The following MUC5AC variants were observed in gnomAD, a reference collection of about 807,000 sequenced individuals.
MUC5AC encodes mucin-5AC.
In MUC5AC, 158 loss-of-function variants were observed where a neutral mutation model predicts 169.7. The ratio of observed to expected loss-of-function variants is 0.93; its 90% CI spans 0.82 to 1.06. The LOEUF (loss-of-function observed/expected upper bound fraction) is 1.06, where lower values mean the gene tolerates loss of function less well. MUC5AC is among the 50% of genes least tolerant of loss of function. The pLI is 0.00. For missense variants in MUC5AC, 4,359 were observed against 3,089.9 expected (o/e 1.41, Z -9.74); for synonymous variants, 1,975 against 1,237.0 (o/e 1.60, Z -12.52).
Position 1,185,878 on chromosome 11 carries a change from C to G in MUC5AC, c.7733C>G (p.Thr2578Arg). ...ACTACTCCCAGCCCTGTTCCTACCA[C>G]GAGCACAACCTCTGCTCCTACAACC... The part of the protein sequence containing the change: ...PGTTPSPVPT[T>R]STTSAPTTST... Residue 2578 changes from threonine to arginine, a missense_variant, in exon 31 of 49, where the codon ACG becomes AGG. Coordinates refer to ENST00000621226, the MANE Select transcript of MUC5AC (RefSeq NM_001304359.2). 2.7e-6 allele frequency: 2 copies of G among 746,822 alleles called. No homozygotes were observed. Among genetic ancestry groups the G allele is most frequent in the South Asian group, 2.8e-5 (2 of 71,800 alleles). 46.3% of individuals were successfully genotyped at this position (746,822 alleles called of 1,614,324 possible). A position where few individuals can be genotyped will look rare whatever the true frequency, so the allele number is the denominator to read the frequency against.
At chr11:1,172,547 C>A in intron 16 of MUC5AC, 24 bp downstream of exon 16, 1 of 398,610 alleles carries the variant, frequency 2.5e-6, no homozygotes, top group Non-Finnish European at 4.4e-6. Flanking sequence ...CCTCTTGGCC[C>A]GGTGGGGCTC....
chr11:1,198,966 G>A lies in MUC5AC; in HGVS notation c.16266G>A (p.Glu5422=), dbSNP rs537256883. The A allele has an allele frequency of 1.5e-4, 118 of 764,304 alleles. No individual in the cohort carries two copies. Among genetic ancestry groups the A allele is most frequent in the East Asian group, 4.1e-4 (17 of 41,194 alleles). 47.3% of individuals were successfully genotyped at this position (764,304 alleles called of 1,614,324 possible). A position where few individuals can be genotyped will look rare whatever the true frequency, so the allele number is the denominator to read the frequency against. The change falls in exon 44 of 49, where the codon GAG becomes GAA. Residue 5422 remains glutamate, a synonymous_variant. Transcript: ENST00000621226. ...CGGACGCGTTTGTGGTCAGCTGTGA[G>A]ACCCAGATCTGCAACACACACTGCC... The part of the protein sequence containing the change: ...PPSDAFVVSC[E]TQICNTHCPV...
chr11:1,184,473 A>C lies in MUC5AC; in HGVS notation c.6328A>C (p.Thr2110Pro), dbSNP rs2133755069. ...CAGCGTCACACAGGGCACCCACACC[A>C]CACCAGTCACCAGAAACTGTCATCC... ...ATSVTQGTHTTPVTRNCHPRC... is the reference protein window; with the variant it reads ...ATSVTQGTHTPPVTRNCHPRC... Residue 2110 changes from threonine to proline, a missense_variant, in exon 31 of 49, where the codon ACA becomes CCA. Coordinates refer to ENST00000621226, the MANE Select transcript of MUC5AC (RefSeq NM_001304359.2). 1 of 640,042 alleles carries C rather than the reference A, an allele frequency of 1.6e-6. No homozygotes were observed. Among genetic ancestry groups the C allele is most frequent in the East Asian group, 2.5e-5 (1 of 39,274 alleles). 39.6% of individuals were successfully genotyped at this position (640,042 alleles called of 1,614,324 possible).
chr11:1,192,689 A>T (rs1861153484), intron 31 of MUC5AC, 94 bp from the exon 32 acceptor site: 1 of 689,604 alleles, frequency 1.5e-6, no homozygotes, highest in Non-Finnish European at 2.6e-6. Context: ...CCCATTACAC[A>T]GGTGGTAGAA....
chr11:1,200,318 G>A (rs995746672), intron 48 of MUC5AC, 120 bp from the exon 49 acceptor site: 3 of 602,456 alleles, frequency 5.0e-6, no homozygotes, highest in Non-Finnish European at 8.9e-6. Flanking sequence ...GTCAGACACT[G>A]GCAGCATGCC....
rs1427532874 is a variant in MUC5AC, at chr11:1,188,882, C to T, written c.10737C>T (p.Ile3579=). Residue 3579 remains isoleucine, a synonymous_variant, in exon 31 of 49, where the codon ATC becomes ATT. Transcript: ENST00000621226. Reference sequence around the variant, plus strand: ...CCAAGAGCCACCCGGAGGTGAGCATCGAACACCTGGGCCAGGTGGTGCAGT... The same window carrying T: ...CCAAGAGCCACCCGGAGGTGAGCATTGAACACCTGGGCCAGGTGGTGCAGT... ...CRAKSHPEVS[I]EHLGQVVQCS... 29 of 763,418 alleles carry T rather than the reference C, an allele frequency of 3.8e-5. No homozygotes were observed. The highest frequency in any genetic ancestry group is 2.2e-4 in the Middle Eastern group (1 of 4,452). 47.3% of individuals were successfully genotyped at this position (763,418 alleles called of 1,614,324 possible). A position where few individuals can be genotyped will look rare whatever the true frequency, so the allele number is the denominator to read the frequency against.
At position 1,164,631 on chromosome 11, in the gene MUC5AC, G is replaced by C. The variant is rs988504090; in HGVS notation, c.1129+99G>C. ...TCGGAAGAAGGACCCCAGTCCTAGTGTCCCGGGCCCCTGAGGCTGACTGAG... is the reference window on the plus strand; with the variant it reads ...TCGGAAGAAGGACCCCAGTCCTAGTCTCCCGGGCCCCTGAGGCTGACTGAG... On this transcript the variant is annotated intron_variant, in intron 9 of 48. Coordinates refer to ENST00000621226, the MANE Select transcript of MUC5AC (RefSeq NM_001304359.2). 53 of 1,446,488 alleles carry C rather than the reference G, an allele frequency of 3.7e-5. No individual in the cohort carries two copies. The Admixed American group carries it at 5.7e-4, about 16-fold the overall frequency. The allele number at this position is 1,446,488 out of a possible 1,614,324, so 89.6% of individuals were successfully genotyped here.
In MUC5AC at chr11:1,179,124, G is replaced by A; in HGVS notation, c.3360G>A (p.Val1120=). Residue 1120 remains valine, a synonymous_variant, in exon 26 of 49, where the codon GTG becomes GTA. Coordinates refer to ENST00000621226, the MANE Select transcript of MUC5AC (RefSeq NM_001304359.2). ...VEPARYYEAC[V]NDACACDSGG... is the part of the protein sequence containing the mutation. ...CGGCCAGGTACTACGAGGCCTGCGT[G>A]AACGACGCGTGCGCCTGCGACTCCG... 1 of 634,136 alleles carries A rather than the reference G, an allele frequency of 1.6e-6. No homozygotes were observed. The highest frequency in any genetic ancestry group is 2.9e-6 in the Non-Finnish European group (1 of 349,302). The allele number at this position is 634,136 out of a possible 1,614,324, so 39.3% of individuals were successfully genotyped here.
chr11:1,158,592 C>T (rs1428383925), intron 1 of MUC5AC, among the ~76,000 whole-genome samples: 1 of 152,192 alleles, frequency 6.6e-6, no homozygotes, highest in African/African-American at 2.4e-5. Context: ...GTTTCACCCC[C>T]GCCCTGAGGC....
rs558310309 is a variant in MUC5AC, at chr11:1,162,595, G to A, written c.537G>A (p.Val179=). ...LIQQSSSYTK[V]EARLGLVLMW... is the part of the protein sequence containing the mutation. ...AGCAGAGCAGCAGCTACACCAAGGT[G>A]GAGGCCAGGCTGGGCCTTGTCCTCA... The change falls in exon 5 of 49, where the codon GTG becomes GTA. Residue 179 remains valine, a synonymous_variant. Transcript: ENST00000621226. The A allele has an allele frequency of 5.0e-6, 8 of 1,612,758 alleles. No homozygotes were observed. The Admixed American group carries it at 5.0e-5, about 10-fold the overall frequency.
chr11:1,182,264 C>T lies in MUC5AC; in HGVS notation c.4119C>T (p.Pro1373=), dbSNP rs1339412987. ...GCACTTCTCCCAGGACGAGGCTGCC[C>T]ACAGCCTCTGCCTCACTGCCGCCGG... ...TAGTSPRTRL[P]TASASLPPVC... is the part of the protein sequence containing the mutation. Residue 1373 remains proline, a synonymous_variant, in exon 31 of 49, where the codon CCC becomes CCT. Transcript: ENST00000621226. 9 of 398,472 alleles carry T rather than the reference C, an allele frequency of 2.3e-5. No homozygotes were observed. The highest frequency in any genetic ancestry group is 1.3e-4 in the South Asian group (1 of 7,866). 24.7% of individuals were successfully genotyped at this position (398,472 alleles called of 1,614,324 possible).
intron 2 of MUC5AC, 123 bp downstream of exon 2, chr11:1,160,812 C>A: frequency 1.0e-6 from 1 of 960,066 alleles, no homozygotes; most frequent in Non-Finnish European, 1.5e-6. Flanking sequence ...GAGGACCAAA[C>A]CTGGGGGGAC....
intron 1 of MUC5AC, among the ~76,000 whole-genome samples, chr11:1,158,590 C>G (rs28713701): frequency 0.5 from 75,531 of 151,980 alleles, 20,811 homozygotes; most frequent in East Asian, 0.69. Flanking sequence ...CTGTTTCACC[C>G]CCGCCCTGAG....
chr11:1,193,136 G>C (rs1466708630), intron 32 of MUC5AC, among the ~76,000 whole-genome samples, 154 bp downstream of exon 32: 1 of 152,232 alleles, frequency 6.6e-6, no homozygotes, highest in Non-Finnish European at 1.5e-5. Flanking sequence ...GCTGTAGCCC[G>C]GCGTCTCTGA....
intron 3 of MUC5AC, 67 bp downstream of exon 3, chr11:1,161,653 G>C: frequency 6.6e-7 from 1 of 1,526,008 alleles, no homozygotes; most frequent in Non-Finnish European, 8.9e-7. Flanking sequence ...GCTCAGGCCT[G>C]GAGGTGCCGG....
chr11:1,168,580 C>CG, intron 13 of MUC5AC, 28 bp downstream of exon 13: 1 of 1,612,516 alleles, frequency 6.2e-7, no homozygotes, highest in Non-Finnish European at 8.5e-7. Flanking sequence ...TTCCCCACCC[C>CG]GGGGCTGCCT....
chr11:1,162,241 C>A lies in MUC5AC; in HGVS notation c.473+73C>A. ...GCATTTCCGGGTGGTTGCGGGGTTT[C>A]GCGGTCCTGGGAGGGATGTGGATTT... On this transcript the variant is annotated intron_variant, in intron 4 of 48. Coordinates refer to ENST00000621226, the MANE Select transcript of MUC5AC (RefSeq NM_001304359.2). The A allele has an allele frequency of 1.9e-6, 3 of 1,559,668 alleles. No homozygotes were observed. The South Asian group carries it at 3.6e-5, about 19-fold the overall frequency.
Position 1,195,158 on chromosome 11 carries a change from G to A in MUC5AC, c.15337G>A (p.Gly5113Arg), listed in dbSNP as rs562198109. 23 of 761,134 alleles carry A rather than the reference G, an allele frequency of 3.0e-5. No individual in the cohort carries two copies. The highest frequency in any genetic ancestry group is 4.0e-5 in the South Asian group (3 of 74,224). The allele number at this position is 761,134 out of a possible 1,614,324, so 47.1% of individuals were successfully genotyped here. A position where few individuals can be genotyped will look rare whatever the true frequency, so the allele number is the denominator to read the frequency against. ...GCCTCACCCGACGCCCACCACGGTC[G>A]GGCCCACCACAGTTGGGTCTACCAC... ...HRPHPTPTTV[G>R]PTTVGSTTVG... Residue 5113 changes from glycine to arginine, a missense_variant, in exon 36 of 49, where the codon GGG becomes AGG. Coordinates refer to ENST00000621226, the MANE Select transcript of MUC5AC (RefSeq NM_001304359.2).
chr11:1,196,143 C>A, intron 37 of MUC5AC, 89 bp downstream of exon 37: 1 of 641,154 alleles, frequency 1.6e-6, no homozygotes, highest in South Asian at 1.8e-5. Flanking sequence ...CTCGGGCAGT[C>A]AGGGGGGGAC....
Sources: gnomAD v4.1 joint callset for allele counts (sites outside exome capture counted in the v4.1 genomes callset) on GRCh38, gnomAD v4.1.1 for gene constraint, MANE v1.5 for transcripts, NCBI Gene and HGNC (gene_info 2026-07-23, HGNC 2026-07-21) for gene names.